Variants in EXOC4 observed in about 807,000 individuals in gnomAD.
The protein encoded by EXOC4 is SEC8-like 1.
EXOC4 carries 71 observed loss-of-function variants against 107.2 expected under a neutral mutation model. That is an observed-to-expected ratio of 0.66 (90% CI 0.55 to 0.81). EXOC4 has a LOEUF of 0.81. Ranked by LOEUF, EXOC4 falls within the 30% of genes least tolerant of loss-of-function variation. EXOC4 has a pLI of 0.00. For missense variants in EXOC4, 1,108 were observed against 1,189.6 expected, an observed-to-expected ratio of 0.93 and a Z score of 1.01; for synonymous variants, 456 against 441.2, an observed-to-expected ratio of 1.03 and a Z score of -0.42.
chr7:133,785,432 CTT>C (rs1796547931), intron 10 of EXOC4, among the ~76,000 whole-genome samples: 1 of 151,926 alleles, frequency 6.6e-6, no homozygotes, highest in African/African-American at 2.4e-5. Context: ...TGTATCATAA[CTT>C]AGGAGTTTTA....
rs551467852 is a variant in EXOC4, at chr7:133,657,887, T to G, written c.1514+27746T>G. 4.6e-5 allele frequency among the ~76,000 whole-genome samples: 7 copies of G among 152,276 alleles called. No individual in the cohort carries two copies. In the South Asian group the frequency reaches 1.5e-3, roughly 32 times the overall value. ...CAGCAATCAATTACTGAACACCCATTGTGTGGTTGGCTCTGTACTAGCCAA... is the reference window on the plus strand; with the variant it reads ...CAGCAATCAATTACTGAACACCCATGGTGTGGTTGGCTCTGTACTAGCCAA... On this transcript the variant is annotated intron_variant, in intron 10 of 17. Transcript: ENST00000253861.
At chr7:133,676,063 T>A (rs1158488502) in intron 10 of EXOC4, among the ~76,000 whole-genome samples, 3 of 152,080 alleles carry the variant, frequency 2.0e-5, no homozygotes, top group Non-Finnish European at 4.4e-5. Flanking sequence ...GATCTGTTAG[T>A]GCAACTCAGT....
chr7:133,972,180 A>G (rs1395450910), intron 14 of EXOC4, among the ~76,000 whole-genome samples: 2 of 152,196 alleles, frequency 1.3e-5, no homozygotes, highest in Non-Finnish European at 2.9e-5. Flanking sequence ...ACCATCTTTA[A>G]CCAATGAGAG....
At chr7:134,047,295 G>A (rs1795678320) in intron 17 of EXOC4, among the ~76,000 whole-genome samples, 1 of 151,854 alleles carries the variant, frequency 6.6e-6, no homozygotes, top group South Asian at 2.1e-4. Context: ...GAATGCAAAT[G>A]CTCTCTATAT....
intron 9 of EXOC4, among the ~76,000 whole-genome samples, chr7:133,482,675 C>G (rs1799184288): frequency 6.6e-6 from 1 of 152,094 alleles, no homozygotes; most frequent in Admixed American, 6.6e-5. Context: ...TTCCTTTTCT[C>G]TAAATGGGAA....
At chr7:133,344,320 A>G (rs919336815) in intron 5 of EXOC4, among the ~76,000 whole-genome samples, 20 of 152,102 alleles carry the variant, frequency 1.3e-4, no homozygotes, top group Non-Finnish European at 2.9e-4. Context: ...GTTTTGTTGA[A>G]GGGAATTTAC....
chr7:133,641,170 C>T (rs1802845300), intron 10 of EXOC4, among the ~76,000 whole-genome samples: 1 of 152,132 alleles, frequency 6.6e-6, no homozygotes, highest in African/African-American at 2.4e-5. Flanking sequence ...AATTGAGAGA[C>T]CCTAACATAG....
intron 8 of EXOC4, among the ~76,000 whole-genome samples, chr7:133,478,150 T>C (rs1290518920): frequency 6.6e-6 from 1 of 151,370 alleles, no homozygotes; most frequent in African/African-American, 2.4e-5. Flanking sequence ...CTTTTCTCTA[T>C]TTCTAGCTCA....
intron 17 of EXOC4, among the ~76,000 whole-genome samples, chr7:134,014,671 A>C (rs1227485894): frequency 6.6e-6 from 1 of 152,170 alleles, no homozygotes; most frequent in Non-Finnish European, 1.5e-5. Context: ...GGGGGTGATG[A>C]AAATGCACTA....
chr7:133,364,177 A>T (rs1232574648), intron 6 of EXOC4, among the ~76,000 whole-genome samples: 1 of 151,920 alleles, frequency 6.6e-6, no homozygotes, highest in East Asian at 1.9e-4. Context: ...TGAGGCTGGA[A>T]TGTAGAGGCC....
At chr7:133,503,950 CAT>C (rs537519285) in intron 9 of EXOC4, among the ~76,000 whole-genome samples, 103 of 151,832 alleles carry the variant, frequency 6.8e-4, no homozygotes, top group Admixed American at 7.9e-4. Flanking sequence ...GCTATTGTTA[CAT>C]GTGTGTGTGT....
rs181181869 is a variant in EXOC4, at chr7:133,446,671, A to T, written c.1183-28657A>T. ...AGATTTTGTTCATCTTTGTCTTTTT[A>T]AAAAATATACTTTTAATGTTTTATA... On this transcript the variant is annotated intron_variant, in intron 7 of 17. Coordinates refer to ENST00000253861, the MANE Select transcript of EXOC4 (RefSeq NM_021807.4). Among the ~76,000 whole-genome samples, 369 of 152,316 alleles carry T rather than the reference A, an allele frequency of 2.4e-3. 5 individuals are homozygous for T. Among genetic ancestry groups the T allele is most frequent in the African/African-American group, 8.3e-3 (343 of 41,562 alleles).
chr7:133,502,719 C>T (rs1193470825), intron 9 of EXOC4, among the ~76,000 whole-genome samples: 1 of 152,102 alleles, frequency 6.6e-6, no homozygotes, highest in East Asian at 1.9e-4. Context: ...AAAGTGTATT[C>T]TGTCATCAGT....
chr7:134,086,262 T>TA, the EXOC4 span, among the ~76,000 whole-genome samples: 1 of 152,136 alleles, frequency 6.6e-6, no homozygotes, highest in Non-Finnish European at 1.5e-5. Context: ...ATCCATAATA[T>TA]AAAAATCTAA....
At chr7:133,307,482 G>A (rs958666750) in intron 4 of EXOC4, among the ~76,000 whole-genome samples, 3 of 152,072 alleles carry the variant, frequency 2.0e-5, no homozygotes, top group African/African-American at 7.2e-5. Flanking sequence ...AAAATATTCT[G>A]TATTATAAGG....
At chr7:134,086,288 A>C in the EXOC4 span, among the ~76,000 whole-genome samples, 1 of 152,178 alleles carries the variant, frequency 6.6e-6, no homozygotes, top group African/African-American at 2.4e-5. Context: ...AAATGTTCCA[A>C]AATTTGAAAG....
Position 133,803,117 on chromosome 7 carries a change from T to C in EXOC4, c.1515-14208T>C, listed in dbSNP as rs376373317. 1.8e-4 allele frequency among the ~76,000 whole-genome samples: 28 copies of C among 152,358 alleles called. No homozygotes were observed. The East Asian group carries it at 5.0e-3, about 27-fold the overall frequency. On this transcript the variant is annotated intron_variant, in intron 10 of 17. Coordinates refer to ENST00000253861, the MANE Select transcript of EXOC4 (RefSeq NM_021807.4). ...TCAGCCTTATGACAATGAGCAATTT[T>C]ATGAATACTATCATATTTAAAATAA... is the stretch of plus-strand genomic sequence containing the variant.
chr7:133,586,199 G>C (rs1022354070), intron 9 of EXOC4, among the ~76,000 whole-genome samples: 2 of 152,084 alleles, frequency 1.3e-5, no homozygotes, highest in Non-Finnish European at 2.9e-5. Flanking sequence ...AATAAATATA[G>C]TACCTGATAG....
In EXOC4 at chr7:133,838,253, G is replaced by A. The variant is rs114329089; in HGVS notation, c.1734+20709G>A. On this transcript the variant is annotated intron_variant, in intron 11 of 17. Transcript: ENST00000253861. ...TATGGGGCCCAGACCATCTCTCAGCGGTAATGGTTCTTTTATGAAAGAAAG... is the reference window on the plus strand; with the variant it reads ...TATGGGGCCCAGACCATCTCTCAGCAGTAATGGTTCTTTTATGAAAGAAAG... Among the ~76,000 whole-genome samples the A allele has an allele frequency of 2.4e-3, 370 of 152,208 alleles. 5 individuals are homozygous for A. The highest frequency in any genetic ancestry group is 8.3e-3 in the African/African-American group (345 of 41,530).
Sources: allele counts gnomAD v4.1 joint callset (sites outside exome capture counted in the v4.1 genomes callset), GRCh38; gene constraint gnomAD v4.1.1; transcripts MANE v1.5; gene names NCBI Gene and HGNC (gene_info 2026-07-23, HGNC 2026-07-21).